Variants in TCF4 observed in about 807,000 individuals in gnomAD.
TCF4 encodes SL3-3 enhancer factor 2.
Under a neutral mutation model 82.1 loss-of-function variants are expected in TCF4, and 3 were observed. The ratio of observed to expected loss-of-function variants is 0.04; its 90% confidence interval spans 0.02 to 0.09. The LOEUF (loss-of-function observed/expected upper bound fraction) is 0.09. Ranked by LOEUF, TCF4 falls within the 10% of genes least tolerant of loss-of-function variation. TCF4 has a pLI of 1.00. For missense variants in TCF4, 518 were observed against 852.7 expected, an observed-to-expected ratio of 0.61 and a Z score of 4.89; for synonymous variants, 276 against 309.6, an observed-to-expected ratio of 0.89 and a Z score of 1.14.
At chr18:55,459,125 T>G (rs2095825328) in intron 5 of TCF4, among the ~76,000 whole-genome samples, 1 of 152,102 alleles carries the variant, frequency 6.6e-6, no homozygotes, top group South Asian at 2.1e-4. Context: ...ACTGTCTTGG[T>G]CTCCATATTT....
chr18:55,473,839 GAAA>G (rs1478192703), intron 3 of TCF4, among the ~76,000 whole-genome samples: 1 of 152,078 alleles, frequency 6.6e-6, no homozygotes, highest in African/African-American at 2.4e-5. Context: ...CTTGTAATTG[GAAA>G]AAGGCCCTTT....
At chr18:55,536,787 T>A (rs187798875) in intron 3 of TCF4, among the ~76,000 whole-genome samples, 2 of 152,326 alleles carry the variant, frequency 1.3e-5, no homozygotes, top group Admixed American at 6.5e-5. Context: ...AAGAACAAAT[T>A]TTGTATGTAT....
chr18:55,485,430 C>T (rs1199971249), intron 3 of TCF4, among the ~76,000 whole-genome samples: 1 of 152,288 alleles, frequency 6.6e-6, no homozygotes, highest in African/African-American at 2.4e-5. Context: ...ATCTATCCAA[C>T]GGCAATCCTC....
At chr18:55,519,577 T>C (rs1485583043) in intron 3 of TCF4, among the ~76,000 whole-genome samples, 3 of 152,088 alleles carry the variant, frequency 2.0e-5, no homozygotes, top group Admixed American at 1.3e-4. Flanking sequence ...ATAATAAAAA[T>C]AATTATTTCA....
intron 6 of TCF4, chr18:55,402,233 A>T (rs1318437780): frequency 8.1e-5 from 80 of 985,304 alleles, no homozygotes; most frequent in Non-Finnish European, 9.0e-5. Context: ...GGGCCAAGGG[A>T]GTAAACTTTA....
At chr18:55,311,053 T>A (rs575119113) in intron 8 of TCF4, among the ~76,000 whole-genome samples, 1 of 152,114 alleles carries the variant, frequency 6.6e-6, no homozygotes, top group East Asian at 1.9e-4. Flanking sequence ...CACTATAAAA[T>A]CTCACGTTTT....
At chr18:55,445,459 T>C (rs1328970185) in intron 5 of TCF4, among the ~76,000 whole-genome samples, 1 of 152,164 alleles carries the variant, frequency 6.6e-6, no homozygotes, top group African/African-American at 2.4e-5. Context: ...ACGTCCTACA[T>C]GGTGGGAGGC....
intron 3 of TCF4, among the ~76,000 whole-genome samples, chr18:55,572,336 T>C (rs184644066): frequency 8.5e-5 from 13 of 152,336 alleles, no homozygotes; most frequent in Admixed American, 2.6e-4. Context: ...AGAATGGTGA[T>C]ATTTTTCCTA....
chr18:55,450,019 T>G (rs567545551), intron 5 of TCF4, among the ~76,000 whole-genome samples: 27 of 152,166 alleles, frequency 1.8e-4, no homozygotes, highest in Non-Finnish European at 3.8e-4. Context: ...TTAACTGAAT[T>G]TTAGGGCCAG....
chr18:55,538,528 T>G (rs1027390622), intron 3 of TCF4, among the ~76,000 whole-genome samples: 4 of 152,198 alleles, frequency 2.6e-5, no homozygotes, highest in Admixed American at 1.3e-4. Flanking sequence ...GGAAAGTTTT[T>G]AAAGGATTTC....
intron 3 of TCF4, among the ~76,000 whole-genome samples, chr18:55,505,420 T>C (rs1448899207): frequency 6.6e-6 from 1 of 152,188 alleles, no homozygotes; most frequent in South Asian, 2.1e-4. Flanking sequence ...TGGGTACTCA[T>C]GTAAGTAATT....
chr18:55,446,693 A>G (rs1251658010), intron 5 of TCF4, among the ~76,000 whole-genome samples: 2 of 152,150 alleles, frequency 1.3e-5, no homozygotes, highest in Admixed American at 6.5e-5. Context: ...GTACCCAAAA[A>G]TCTTAGCCAG....
intron 15 of TCF4, among the ~76,000 whole-genome samples, chr18:55,250,348 T>C (rs2145325872): frequency 6.6e-6 from 1 of 152,316 alleles, no homozygotes; most frequent in Admixed American, 6.5e-5. Flanking sequence ...AGAGCTGCTC[T>C]GGGAACCCAG....
chr18:55,374,957 T>C (rs1007530632), intron 6 of TCF4, among the ~76,000 whole-genome samples: 4 of 136,180 alleles, frequency 2.9e-5, no homozygotes, highest in Non-Finnish European at 6.3e-5. Context: ...TTTCAGGACA[T>C]AGAAAGAAGA....
chr18:55,228,424 T>C, intron 18 of TCF4, 63 bp from the exon 19 acceptor site: 1 of 1,602,048 alleles, frequency 6.2e-7, no homozygotes, highest in South Asian at 1.1e-5. Flanking sequence ...AGGGCAGCAA[T>C]GCACTCTTCT....
chr18:55,349,502 T>C (rs1238523940), intron 8 of TCF4, among the ~76,000 whole-genome samples: 3 of 152,100 alleles, frequency 2.0e-5, no homozygotes, highest in East Asian at 3.8e-4. Context: ...CAAAGAATAC[T>C]AGTACTCTAC....
At chr18:55,554,126 G>A (rs1316754427) in intron 3 of TCF4, among the ~76,000 whole-genome samples, 1 of 152,048 alleles carries the variant, frequency 6.6e-6, no homozygotes, top group African/African-American at 2.4e-5. Flanking sequence ...AGTCAGCATA[G>A]TATATTGAGA....
chr18:55,482,515 C>A (rs1299527469), intron 3 of TCF4, among the ~76,000 whole-genome samples: 1 of 152,208 alleles, frequency 6.6e-6, no homozygotes, highest in Non-Finnish European at 1.5e-5. Flanking sequence ...GAGACAACCA[C>A]AGGTTGGAGA....
At chr18:55,426,712 A>G (rs1029105177) in intron 5 of TCF4, among the ~76,000 whole-genome samples, 12 of 149,508 alleles carry the variant, frequency 8.0e-5, no homozygotes, top group Non-Finnish European at 1.8e-4. Flanking sequence ...ACCCAGAAAA[A>G]TATTTCAATA....
Sources: allele counts gnomAD v4.1 joint callset (sites outside exome capture counted in the v4.1 genomes callset), GRCh38; gene constraint gnomAD v4.1.1; transcripts MANE v1.5; gene names NCBI Gene and HGNC (gene_info 2026-07-23, HGNC 2026-07-21).